The following FBN1 variants were observed in gnomAD, a reference collection of about 807,000 sequenced individuals.
The protein encoded by FBN1 is fibrillin-1.
Under a neutral mutation model 365.1 loss-of-function variants are expected in FBN1, and 29 were observed. The observed-to-expected ratio is 0.08, with a 90% CI of 0.06 to 0.11. FBN1 has a LOEUF of 0.11. FBN1 is among the 10% of genes least tolerant of loss of function. The pLI, the probability that FBN1 is intolerant of heterozygous loss-of-function variation, is 1.00. For synonymous variants in FBN1, 1,210 were observed against 1,270.5 expected, an observed-to-expected ratio of 0.95 and a Z score of 1.01; for missense variants, 2,476 against 3,703.2, an observed-to-expected ratio of 0.67 and a Z score of 8.60.
At chr15:48,494,360 A>T in intron 22 of FBN1, 106 bp from the exon 23 acceptor site, 1 of 836,332 alleles carries the variant, frequency 1.2e-6, no homozygotes, top group Admixed American at 1.8e-5. Flanking sequence ...GACCTGGAAC[A>T]TGAAGTAGAT....
intron 55 of FBN1, among the ~76,000 whole-genome samples, chr15:48,431,651 A>G (rs2043023402): frequency 6.6e-6 from 1 of 151,850 alleles, no homozygotes. Context: ...AATATATTAT[A>G]ATATGATATT....
rs1443886401 is a variant in FBN1 at position 48,408,675 on chromosome 15, G to C, written c.*2315C>G. 1.3e-5 allele frequency: 2 copies of C among 152,726 alleles called. No individual in the cohort carries two copies. Among genetic ancestry groups the C allele is most frequent in the African/African-American group, 2.4e-5 (1 of 41,568 alleles). The allele number at this position is 152,726 out of a possible 1,614,324, so 9.5% of individuals were successfully genotyped here. On this transcript the variant is annotated 3_prime_UTR_variant, in exon 66 of 66. Coordinates refer to ENST00000316623, the MANE Select transcript of FBN1 (RefSeq NM_000138.5). The stretch of plus-strand genomic sequence containing the variant: ...TCAGGATTAAAAAGAGTTCCAACAA[G>C]AGGAATATTTACAATGGAACAATGA...
Position 48,616,559 on chromosome 15 carries a change from C to A in FBN1, c.165-3467G>T, listed in dbSNP as rs7167230. On this transcript the variant is annotated intron_variant, in intron 2 of 65. Coordinates refer to ENST00000316623, the MANE Select transcript of FBN1 (RefSeq NM_000138.5). The stretch of plus-strand genomic sequence containing the variant: ...ATATGTAAACTCTAAATGAGACATG[C>A]TGGATTATTTCCATAATAAAAGATT... Among the ~76,000 whole-genome samples the A allele has an allele frequency of 5.7e-3, 871 of 152,250 alleles. 12 individuals are homozygous for A. The highest frequency in any genetic ancestry group is 0.02 in the African/African-American group (835 of 41,538).
intron 6 of FBN1, 128 bp downstream of exon 6, chr15:48,596,155 C>G: frequency 1.2e-6 from 1 of 843,770 alleles, no homozygotes; most frequent in South Asian, 1.4e-5. Flanking sequence ...TTCCCAATGA[C>G]AAATGAGAAA....
At chr15:48,447,357 A>C (rs189772535) in intron 46 of FBN1, among the ~76,000 whole-genome samples, 2 of 152,266 alleles carry the variant, frequency 1.3e-5, no homozygotes, top group African/African-American at 4.8e-5. Context: ...AACATAGAAC[A>C]ACTTCCACCA....
intron 2 of FBN1, among the ~76,000 whole-genome samples, chr15:48,625,002 C>A (rs1433802000): frequency 6.6e-6 from 1 of 152,026 alleles, no homozygotes; most frequent in Non-Finnish European, 1.5e-5. Context: ...ACTGGCAGCC[C>A]CAGGAAGAGA....
chr15:48,506,746 G>A (rs1227173957), intron 15 of FBN1, among the ~76,000 whole-genome samples: 1 of 152,138 alleles, frequency 6.6e-6, no homozygotes, highest in Non-Finnish European at 1.5e-5. Flanking sequence ...AGTGCTCAGG[G>A]CTAGGAGAAA....
rs1173643860 is a variant in FBN1, at chr15:48,421,490, G to C, written c.7699+68C>G. The C allele has an allele frequency of 1.7e-5, 27 of 1,577,746 alleles. No individual in the cohort carries two copies. The Admixed American group carries it at 4.7e-4, about 28-fold the overall frequency. ...TCTCATAGAGGCTGATGATGAAGGT[G>C]CCAATAGCCACACAGGCCACCTCCA... On this transcript the variant is annotated intron_variant, in intron 62 of 65. Coordinates refer to ENST00000316623, the MANE Select transcript of FBN1 (RefSeq NM_000138.5).
At chr15:48,636,689 C>A (rs191775217) in intron 2 of FBN1, among the ~76,000 whole-genome samples, 5 of 152,154 alleles carry the variant, frequency 3.3e-5, no homozygotes, top group Non-Finnish European at 7.3e-5. Context: ...TTTAGATAAA[C>A]CACACCCAAG....
intron 6 of FBN1, among the ~76,000 whole-genome samples, chr15:48,539,835 T>C (rs1348612379): frequency 6.6e-6 from 1 of 152,186 alleles, no homozygotes; most frequent in African/African-American, 2.4e-5. Flanking sequence ...CTTACTCTAC[T>C]GTTTTTTTAG....
intron 46 of FBN1, among the ~76,000 whole-genome samples, chr15:48,447,489 G>A (rs1201898065): frequency 6.6e-6 from 1 of 152,112 alleles, no homozygotes; most frequent in Non-Finnish European, 1.5e-5. Flanking sequence ...TGATGATTTT[G>A]TAAAGCTACT....
intron 45 of FBN1, among the ~76,000 whole-genome samples, chr15:48,451,512 G>T (rs530116411): frequency 3.9e-5 from 6 of 151,976 alleles, no homozygotes; most frequent in Non-Finnish European, 7.4e-5. Flanking sequence ...TCCCACCAAG[G>T]TCTCATAAAA....
At chr15:48,519,777 A>G (rs1462736537) in intron 10 of FBN1, among the ~76,000 whole-genome samples, 1 of 152,236 alleles carries the variant, frequency 6.6e-6, no homozygotes, top group African/African-American at 2.4e-5. Context: ...ACTATAAAGA[A>G]CAAGAATTAA....
At chr15:48,569,279 A>G (rs12898555) in intron 6 of FBN1, among the ~76,000 whole-genome samples, 17,805 of 152,156 alleles carry the variant, frequency 0.12, 1,225 homozygotes, top group Non-Finnish European at 0.15. Flanking sequence ...ACATCATTTC[A>G]CATCCACTAG....
chr15:48,416,217 A>T (rs990768022), intron 63 of FBN1, among the ~76,000 whole-genome samples: 5 of 152,124 alleles, frequency 3.3e-5, no homozygotes, highest in African/African-American at 1.2e-4. Flanking sequence ...CAGCGAGGAG[A>T]CAAATCTCTC....
In FBN1 at chr15:48,610,725, T is replaced by C. The variant is rs777333834; in HGVS notation, c.346+3A>G. On this transcript the variant is annotated splice_donor_region_variant and intron_variant, in intron 4 of 65. Coordinates refer to ENST00000316623, the MANE Select transcript of FBN1 (RefSeq NM_000138.5). ...ATTATATATAATGACATGTTAGACT[T>C]ACTGGATCTGGAGCCACAGGAAGGA... 5 of 1,608,130 alleles carry C rather than the reference T, an allele frequency of 3.1e-6. No individual in the cohort carries two copies. In the South Asian group the frequency reaches 4.4e-5, roughly 14 times the overall value.
At chr15:48,622,207 AT>A (rs1889782862) in intron 2 of FBN1, among the ~76,000 whole-genome samples, 1 of 152,230 alleles carries the variant, frequency 6.6e-6, no homozygotes, top group African/African-American at 2.4e-5. Context: ...AAACAGCTAT[AT>A]TTAAAAAGTG....
At chr15:48,609,298 C>T (rs1047451493) in intron 4 of FBN1, among the ~76,000 whole-genome samples, 1 of 152,144 alleles carries the variant, frequency 6.6e-6, no homozygotes, top group African/African-American at 2.4e-5. Context: ...AGCAAGAGTC[C>T]CAGCCCATAG....
chr15:48,497,231 A>C, intron 19 of FBN1, 35 bp downstream of exon 19: 1 of 1,613,800 alleles, frequency 6.2e-7, no homozygotes, highest in Non-Finnish European at 8.5e-7. Context: ...TGCATTATGC[A>C]GGCAATGTTT....
Sources: gnomAD v4.1 joint callset for allele counts (sites outside exome capture counted in the v4.1 genomes callset) on GRCh38, gnomAD v4.1.1 for gene constraint, MANE v1.5 for transcripts, NCBI Gene and HGNC (gene_info 2026-07-23, HGNC 2026-07-21) for gene names.